Variants in SKAP1 observed in about 807,000 individuals in gnomAD.
SKAP1 encodes src kinase associated phosphoprotein 1.
Under a neutral mutation model 58.5 loss-of-function variants are expected in SKAP1, and 44 were observed. That is an observed-to-expected ratio of 0.75 (90% CI 0.59 to 0.97). SKAP1 has a LOEUF of 0.97. SKAP1 is among the 50% of genes least tolerant of loss of function. SKAP1 has a pLI of 0.00. For missense variants in SKAP1, 390 were observed against 435.2 expected, an observed-to-expected ratio of 0.90 and a Z score of 0.92; for synonymous variants, 127 against 149.7, an observed-to-expected ratio of 0.85 and a Z score of 1.11.
chr17:48,420,454 ATG>A (rs1567907924), intron 1 of SKAP1, among the ~76,000 whole-genome samples: 2 of 152,158 alleles, frequency 1.3e-5, no homozygotes, highest in African/African-American at 4.8e-5. Context: ...CTGCCTTTTC[ATG>A]TGGCAGGGAA....
intron 2 of SKAP1, among the ~76,000 whole-genome samples, chr17:48,386,989 G>C (rs1391033162): frequency 6.6e-6 from 1 of 152,174 alleles, no homozygotes; most frequent in East Asian, 1.9e-4. Context: ...AATTTCACAA[G>C]AGTCTTACTT....
intron 4 of SKAP1, among the ~76,000 whole-genome samples, chr17:48,197,979 TA>T (rs926869737): frequency 1.1e-4 from 16 of 152,312 alleles, no homozygotes; most frequent in African/African-American, 3.4e-4. Flanking sequence ...CCAAGCATGG[TA>T]ACTTCAATGC....
intron 4 of SKAP1, among the ~76,000 whole-genome samples, chr17:48,245,624 G>T (rs780711261): frequency 3.3e-5 from 5 of 152,184 alleles, no homozygotes; most frequent in Non-Finnish European, 7.3e-5. Context: ...TTTACTAGCT[G>T]TGTGACTTTG....
chr17:48,415,232 C>T (rs1309281777), intron 1 of SKAP1, among the ~76,000 whole-genome samples: 2 of 151,862 alleles, frequency 1.3e-5, no homozygotes, highest in African/African-American at 4.8e-5. Context: ...ACTCACATTT[C>T]CAAAAAGAAA....
chr17:48,206,849 G>T (rs547944592), intron 4 of SKAP1, among the ~76,000 whole-genome samples: 131 of 152,158 alleles, frequency 8.6e-4, no homozygotes, highest in African/African-American at 3.1e-3. Context: ...TGGAAATGGG[G>T]TCTTGCTATG....
At chr17:48,390,189 C>T (rs983443181) in intron 2 of SKAP1, among the ~76,000 whole-genome samples, 6 of 152,028 alleles carry the variant, frequency 3.9e-5, no homozygotes, top group East Asian at 1.9e-4. Flanking sequence ...CAAGAGAAAA[C>T]ATGCAAATTA....
intron 4 of SKAP1, among the ~76,000 whole-genome samples, chr17:48,329,926 A>G (rs1459551200): frequency 6.6e-6 from 1 of 152,232 alleles, no homozygotes; most frequent in African/African-American, 2.4e-5. Context: ...CACAGTAGTA[A>G]TGATGATTAG....
At position 48,283,134 on chromosome 17, in the gene SKAP1, T is replaced by C. The variant is rs1262716740; in HGVS notation, c.280+62771A>G. On this transcript the variant is annotated intron_variant, in intron 4 of 12. Coordinates refer to ENST00000336915, the MANE Select transcript of SKAP1 (RefSeq NM_003726.4). ...AGACGTGTTGGGCATTTGTAAAATA[T>C]AGGTAATATCAAGAGACTCCTGCTG... 3.9e-5 allele frequency among the ~76,000 whole-genome samples: 6 copies of C among 152,034 alleles called. No homozygotes were observed. The East Asian group carries it at 1.2e-3, about 29-fold the overall frequency.
intron 1 of SKAP1, among the ~76,000 whole-genome samples, chr17:48,411,066 A>G (rs1458477188): frequency 6.6e-6 from 1 of 152,074 alleles, no homozygotes; most frequent in Non-Finnish European, 1.5e-5. Context: ...TAAAATAAGT[A>G]TGCACGATTC....
At chr17:48,373,063 T>C (rs2067106547) in intron 2 of SKAP1, among the ~76,000 whole-genome samples, 1 of 152,128 alleles carries the variant, frequency 6.6e-6, no homozygotes, top group African/African-American at 2.4e-5. Context: ...TGTATCCAGG[T>C]TGTATTAGTC....
At chr17:48,183,776 T>C (rs922401723) in intron 7 of SKAP1, among the ~76,000 whole-genome samples, 1 of 152,108 alleles carries the variant, frequency 6.6e-6, no homozygotes, top group Admixed American at 6.5e-5. Context: ...AAAAAATTTC[T>C]GGAAATTACA....
intron 1 of SKAP1, among the ~76,000 whole-genome samples, chr17:48,418,474 A>G (rs1051368746): frequency 1.3e-5 from 2 of 152,242 alleles, no homozygotes; most frequent in Non-Finnish European, 2.9e-5. Flanking sequence ...TGGTAAGGAT[A>G]TGGAGCAACA....
intron 4 of SKAP1, chr17:48,203,782 G>T (rs147354622): frequency 6.6e-6 from 1 of 152,158 alleles, no homozygotes; most frequent in African/African-American, 2.4e-5. Context: ...GAACTAAAGT[G>T]TCTTTTTGAA....
At chr17:48,354,387 T>C (rs943047030) in intron 3 of SKAP1, among the ~76,000 whole-genome samples, 4 of 152,254 alleles carry the variant, frequency 2.6e-5, no homozygotes, top group South Asian at 2.1e-4. Context: ...AAAATTACTT[T>C]TTAATTGAGG....
At chr17:48,311,412 A>AT (rs2066223054) in intron 4 of SKAP1, among the ~76,000 whole-genome samples, 2 of 150,064 alleles carry the variant, frequency 1.3e-5, no homozygotes, top group Admixed American at 1.4e-4. Flanking sequence ...CACTGACTCT[A>AT]TTTTTTGTAT....
intron 4 of SKAP1, among the ~76,000 whole-genome samples, chr17:48,209,505 A>T (rs758562615): frequency 6.6e-6 from 1 of 152,190 alleles, no homozygotes; most frequent in Non-Finnish European, 1.5e-5. Context: ...TATTGATTAG[A>T]CTGACTGTGC....
At chr17:48,276,307 T>G (rs1388456951) in intron 4 of SKAP1, among the ~76,000 whole-genome samples, 1 of 152,268 alleles carries the variant, frequency 6.6e-6, no homozygotes, top group Non-Finnish European at 1.5e-5. Flanking sequence ...AAGATTTGGC[T>G]AAATGTCTTC....
At chr17:48,271,524 C>T (rs966457574) in intron 4 of SKAP1, among the ~76,000 whole-genome samples, 1 of 151,728 alleles carries the variant, frequency 6.6e-6, no homozygotes, top group African/African-American at 2.4e-5. Context: ...TGTCACCACA[C>T]CTGACTAATT....
chr17:48,396,330 T>A (rs117085551), intron 2 of SKAP1, among the ~76,000 whole-genome samples: 3,591 of 152,344 alleles, frequency 0.024, 60 homozygotes, highest in Middle Eastern at 0.051. Flanking sequence ...GAACATTATC[T>A]CATACTGCCT....
Sources: allele counts gnomAD v4.1 joint callset (sites outside exome capture counted in the v4.1 genomes callset), GRCh38; gene constraint gnomAD v4.1.1; transcripts MANE v1.5; gene names NCBI Gene and HGNC (gene_info 2026-07-23, HGNC 2026-07-21).